Variants in DOCK8 observed in about 807,000 individuals in gnomAD.
DOCK8 encodes dedicator of cytokinesis 8.
In DOCK8, 141 loss-of-function variants were observed where a neutral mutation model predicts 245.6. That is an observed-to-expected ratio of 0.57 (90% CI 0.50 to 0.66). The LOEUF is 0.66. DOCK8 is among the 30% of genes least tolerant of loss of function. The probability of loss-of-function intolerance (pLI) is 0.00; values close to 1 mark genes in which losing one functional copy is unlikely to be tolerated. For synonymous variants in DOCK8, 1,168 were observed against 970.2 expected (o/e 1.20, Z -3.79); for missense variants, 2,965 against 2,603.4 (o/e 1.14, Z -3.02).
chr9:403,754 A>G (rs888748387), intron 26 of DOCK8, among the ~76,000 whole-genome samples: 1 of 150,820 alleles, frequency 6.6e-6, no homozygotes, highest in Non-Finnish European at 1.5e-5. Flanking sequence ...AATCCCAGCT[A>G]CTCGGGAGGC....
intron 39 of DOCK8, among the ~76,000 whole-genome samples, chr9:436,476 C>T (rs908247080): frequency 6.6e-6 from 1 of 152,126 alleles, no homozygotes; most frequent in Non-Finnish European, 1.5e-5. Flanking sequence ...AGGTTTAGCA[C>T]TTCATATTGT....
At chr9:310,571 G>C (rs961755127) in intron 5 of DOCK8, among the ~76,000 whole-genome samples, 14 of 152,168 alleles carry the variant, frequency 9.2e-5, no homozygotes, top group African/African-American at 3.4e-4. Context: ...CGATTCTCCT[G>C]CCTCAGCCTC....
intron 1 of DOCK8, among the ~76,000 whole-genome samples, chr9:232,733 G>A (rs1348960094): frequency 5.3e-5 from 8 of 152,100 alleles, no homozygotes; most frequent in Non-Finnish European, 8.8e-5. Context: ...CTGTGGGATC[G>A]GTGGTGATAT....
In DOCK8 at chr9:231,204, A is replaced by G. The variant is rs1194223501; in HGVS notation, c.53+16175A>G. On this transcript the variant is annotated intron_variant, in intron 1 of 47. Transcript: ENST00000432829. ...TTTTGTCAGGTTTGTCAAGGATCAG[A>G]TAGTTGTAGATATGTGGCATTATTT... 1.4e-4 allele frequency among the ~76,000 whole-genome samples: 21 copies of G among 152,278 alleles called. No homozygotes were observed. The East Asian group carries it at 3.9e-3, about 28-fold the overall frequency.
intron 19 of DOCK8, 44 bp from the exon 20 acceptor site, chr9:376,933 T>C (rs758375836): frequency 1.8e-5 from 28 of 1,549,358 alleles, no homozygotes; most frequent in African/African-American, 1.1e-4. Flanking sequence ...CTGGTGAACA[T>C]TGATGGTATA....
At chr9:262,999 G>C (rs989619194) in intron 1 of DOCK8, among the ~76,000 whole-genome samples, 5 of 152,210 alleles carry the variant, frequency 3.3e-5, no homozygotes, top group Non-Finnish European at 7.3e-5. Context: ...CTGAGGTCAG[G>C]AGTTGAAGAC....
At chr9:374,825 T>G (rs1456620188) in intron 18 of DOCK8, among the ~76,000 whole-genome samples, 1 of 152,084 alleles carries the variant, frequency 6.6e-6, no homozygotes, top group Non-Finnish European at 1.5e-5. Flanking sequence ...TAGCTCACGT[T>G]ATATTTCCAC....
intron 2 of DOCK8, chr9:276,894 C>T (rs751284472): frequency 3.7e-5 from 9 of 245,474 alleles, no homozygotes; most frequent in Non-Finnish European, 6.2e-5. Flanking sequence ...CTACAACCTC[C>T]GCCTCCCAGG....
At chr9:249,637 C>T (rs541628534) in intron 1 of DOCK8, among the ~76,000 whole-genome samples, 6 of 151,960 alleles carry the variant, frequency 3.9e-5, no homozygotes, top group East Asian at 1.9e-4. Flanking sequence ...TTTTTTGAGA[C>T]GGAGTCTCGC....
At chr9:379,434 G>A (rs925583642) in intron 20 of DOCK8, among the ~76,000 whole-genome samples, 3 of 152,170 alleles carry the variant, frequency 2.0e-5, no homozygotes, top group Non-Finnish European at 2.9e-5. Context: ...GTAGCAAGCA[G>A]GTGATAGTGG....
At chr9:394,345 C>G (rs1393543101) in intron 24 of DOCK8, among the ~76,000 whole-genome samples, 1 of 152,228 alleles carries the variant, frequency 6.6e-6, no homozygotes, top group African/African-American at 2.4e-5. Context: ...ATCTCAGACT[C>G]AGACAAGGTG....
chr9:222,247 A>G (rs2046899143), intron 1 of DOCK8, among the ~76,000 whole-genome samples: 1 of 151,922 alleles, frequency 6.6e-6, no homozygotes, highest in Non-Finnish European at 1.5e-5. Flanking sequence ...TGGGCCACAG[A>G]GTGAAACCCT....
At chr9:412,741 A>G (rs955875655) in intron 28 of DOCK8, among the ~76,000 whole-genome samples, 3 of 152,180 alleles carry the variant, frequency 2.0e-5, no homozygotes, top group Non-Finnish European at 2.9e-5. Flanking sequence ...AAATGACAAA[A>G]CACTGTTGAA....
At chr9:284,744 A>G (rs2048739738) in intron 2 of DOCK8, among the ~76,000 whole-genome samples, 2 of 152,362 alleles carry the variant, frequency 1.3e-5, no homozygotes, top group African/African-American at 4.8e-5. Flanking sequence ...CATATACACC[A>G]TGGAATACTA....
intron 21 of DOCK8, 33 bp downstream of exon 21, chr9:379,968 G>A (rs1271620863): frequency 6.9e-6 from 11 of 1,602,032 alleles, no homozygotes; most frequent in African/African-American, 1.3e-5. Flanking sequence ...ACTCTGGTGG[G>A]CGGGGCAACA....
chr9:386,400 G>C lies in DOCK8; in HGVS notation c.2848G>C (p.Ala950Pro). Reference protein sequence around the residue: ...SGSSDAPSSPAAPRPASKKHF... With the variant: ...SGSSDAPSSPPAPRPASKKHF... ...CAGTAGTGATGCTCCAAGTTCACCTGCAGCCCCAAGGCCAGCCAGCAAAAA... is the reference window on the plus strand; with the variant it reads ...CAGTAGTGATGCTCCAAGTTCACCTCCAGCCCCAAGGCCAGCCAGCAAAAA... The change falls in exon 23 of 48, where the codon GCA becomes CCA. Residue 950 changes from alanine (A) to proline (P), a missense_variant. Around this residue, in one of 3 missense-constraint regions of DOCK8, gnomAD observed 2,825 missense variants for 2,453.5 expected, o/e 1.15. Transcript: ENST00000432829. The C allele has an allele frequency of 6.2e-7, 1 of 1,613,676 alleles. No individual in the cohort carries two copies. The highest frequency in any genetic ancestry group is 8.5e-7 in the Non-Finnish European group (1 of 1,179,780).
At chr9:254,389 C>T (rs1462377768) in intron 1 of DOCK8, among the ~76,000 whole-genome samples, 1 of 152,186 alleles carries the variant, frequency 6.6e-6, no homozygotes, top group Non-Finnish European at 1.5e-5. Context: ...GAGTGTGTGC[C>T]TTCTGAAGCG....
At chr9:244,952 CA>C (rs1250354254) in intron 1 of DOCK8, among the ~76,000 whole-genome samples, 1 of 152,164 alleles carries the variant, frequency 6.6e-6, no homozygotes, top group Non-Finnish European at 1.5e-5. Flanking sequence ...AGAGACTCTC[CA>C]GGGGCAGGGC....
chr9:296,832 G>T (rs1327622463), intron 4 of DOCK8, among the ~76,000 whole-genome samples: 1 of 152,128 alleles, frequency 6.6e-6, no homozygotes, highest in Admixed American at 6.5e-5. Flanking sequence ...GACCTGTTGT[G>T]CATAGACTCC....
Sources: gnomAD v4.1 joint callset for allele counts (sites outside exome capture counted in the v4.1 genomes callset) on GRCh38, gnomAD v4.1.1 for gene constraint, gnomAD v4.1.1 regional missense constraint, MANE v1.5 for transcripts, NCBI Gene and HGNC (gene_info 2026-07-23, HGNC 2026-07-21) for gene names.